The following SLC22A3 variants were observed in gnomAD, a reference collection of about 807,000 sequenced individuals.
SLC22A3 encodes the protein EMT organic cation transporter 3.
Under a neutral mutation model 59.1 loss-of-function variants are expected in SLC22A3, and 51 were observed. The observed-to-expected ratio is 0.86, with a 90% CI of 0.69 to 1.09. The LOEUF (loss-of-function observed/expected upper bound fraction) is 1.09. Ranked by LOEUF, SLC22A3 falls within the 50% of genes least tolerant of loss-of-function variation. The pLI, the probability that SLC22A3 is intolerant of heterozygous loss-of-function variation, is 0.00. For missense variants in SLC22A3, 711 were observed against 726.3 expected (o/e 0.98, Z 0.24); for synonymous variants, 325 against 292.0 (o/e 1.11, Z -1.15).
chr6:160,348,860 C>G lies in SLC22A3; in HGVS notation c.429+12C>G. ...CCATCGTCAGCGAGGTAAGGGCGCCCCGGCCCTTTGGAAGCCGGCGGGAGA... is the reference window on the plus strand; with the variant it reads ...CCATCGTCAGCGAGGTAAGGGCGCCGCGGCCCTTTGGAAGCCGGCGGGAGA... On this transcript the variant is annotated intron_variant, in intron 1 of 10. Transcript: ENST00000275300. The G allele has an allele frequency of 6.4e-7, 1 of 1,572,542 alleles. No homozygotes were observed. The highest frequency in any genetic ancestry group is 8.6e-7 in the Non-Finnish European group (1 of 1,167,580).
At chr6:160,364,936 T>C (rs563819442) in intron 1 of SLC22A3, among the ~76,000 whole-genome samples, 7 of 152,200 alleles carry the variant, frequency 4.6e-5, no homozygotes, top group Non-Finnish European at 7.3e-5. Flanking sequence ...CATTATCTTT[T>C]ACCTTATTGA....
At chr6:160,426,346 T>G in intron 5 of SLC22A3, 1 of 985,410 alleles carries the variant, frequency 1.0e-6, no homozygotes, top group Non-Finnish European at 1.2e-6. Flanking sequence ...TCTTGTTTTT[T>G]GAGGGGTGCA....
chr6:160,392,987 C>T (rs938572059), intron 1 of SLC22A3, among the ~76,000 whole-genome samples: 2 of 151,952 alleles, frequency 1.3e-5, no homozygotes, highest in Non-Finnish European at 2.9e-5. Flanking sequence ...CCATTGACAA[C>T]TCATCCCTAG....
At chr6:160,398,964 G>A (rs1786639517) in intron 2 of SLC22A3, among the ~76,000 whole-genome samples, 1 of 152,180 alleles carries the variant, frequency 6.6e-6, no homozygotes, top group Admixed American at 6.5e-5. Flanking sequence ...TTCAGTGGGT[G>A]ATACTAAGTT....
At chr6:160,355,099 G>A (rs1449068109) in intron 1 of SLC22A3, among the ~76,000 whole-genome samples, 3 of 152,246 alleles carry the variant, frequency 2.0e-5, no homozygotes, top group Non-Finnish European at 4.4e-5. Flanking sequence ...AGGAATATGG[G>A]ATTGCGAATA....
chr6:160,426,656 T>C (rs1259513704), intron 5 of SLC22A3, among the ~76,000 whole-genome samples: 2 of 152,238 alleles, frequency 1.3e-5, no homozygotes, highest in East Asian at 3.8e-4. Context: ...CATGTGTGAG[T>C]GCATTGCTTC....
chr6:160,361,297 A>G (rs2114751882), intron 1 of SLC22A3, among the ~76,000 whole-genome samples: 1 of 152,380 alleles, frequency 6.6e-6, no homozygotes, highest in Non-Finnish European at 1.5e-5. Context: ...AATATTAACA[A>G]AGGAACATAC....
chr6:160,348,671 C>T lies in SLC22A3; in HGVS notation c.252C>T (p.Pro84=), dbSNP rs8187716. The T allele has an allele frequency of 2.7e-6, 4 of 1,506,992 alleles. No individual in the cohort carries two copies. The highest frequency in any genetic ancestry group is 3.5e-6 in the Non-Finnish European group (4 of 1,135,930). The allele number at this position is 1,506,992 out of a possible 1,614,324, so 93.4% of individuals were successfully genotyped here. The part of the protein sequence containing the change: ...TAPASRGPEP[P]ERRGRCQRYL... The stretch of plus-strand genomic sequence containing the variant: ...CCGCCTCCCGCGGCCCAGAGCCCCC[C>T]GAGCGCCGCGGCCGCTGCCAGCGCT... Residue 84 remains proline, a synonymous_variant, in exon 1 of 11, where the codon CCC becomes CCT. Coordinates refer to ENST00000275300, the MANE Select transcript of SLC22A3 (RefSeq NM_021977.4).
intron 5 of SLC22A3, among the ~76,000 whole-genome samples, chr6:160,417,818 A>G (rs1305796353): frequency 2.6e-5 from 4 of 152,142 alleles, no homozygotes; most frequent in Non-Finnish European, 4.4e-5. Context: ...CTCAGCCATC[A>G]CCATGAAGAG....
At chr6:160,448,425 A>G (rs1583523900) in intron 10 of SLC22A3, among the ~76,000 whole-genome samples, 2 of 152,334 alleles carry the variant, frequency 1.3e-5, no homozygotes, top group East Asian at 3.9e-4. Context: ...GTGATAGTAG[A>G]TAAATGATAA....
chr6:160,353,142 C>G (rs1190608755), intron 1 of SLC22A3, among the ~76,000 whole-genome samples: 1 of 152,160 alleles, frequency 6.6e-6, no homozygotes, highest in African/African-American at 2.4e-5. Context: ...AAGCAGGACT[C>G]TAATGAGTGA....
chr6:160,406,508 T>C (rs567290238), intron 2 of SLC22A3, among the ~76,000 whole-genome samples: 14 of 152,330 alleles, frequency 9.2e-5, no homozygotes, highest in Admixed American at 2.0e-4. Context: ...AACTTTGTAG[T>C]TTATAAAACA....
chr6:160,432,453 C>T (rs560111059), intron 5 of SLC22A3, among the ~76,000 whole-genome samples: 115 of 135,802 alleles, frequency 8.5e-4, no homozygotes, highest in Admixed American at 2.3e-3. Context: ...TTTTTTGAGA[C>T]GGAGTCTCCC....
At chr6:160,355,500 A>G (rs2102503) in intron 1 of SLC22A3, among the ~76,000 whole-genome samples, 31,776 of 151,560 alleles carry the variant, frequency 0.21, 3,557 homozygotes, top group African/African-American at 0.23. Flanking sequence ...GGTGGCTCAC[A>G]CCTGTAATCC....
chr6:160,425,094 G>A (rs1052068487), intron 5 of SLC22A3, among the ~76,000 whole-genome samples: 2 of 152,092 alleles, frequency 1.3e-5, no homozygotes, highest in Non-Finnish European at 2.9e-5. Flanking sequence ...CTTCATGTAG[G>A]GTTGCTTGCT....
chr6:160,385,798 C>G (rs1785984754), intron 1 of SLC22A3, among the ~76,000 whole-genome samples: 1 of 152,204 alleles, frequency 6.6e-6, no homozygotes, highest in Non-Finnish European at 1.5e-5. Flanking sequence ...CTGCTCTGCT[C>G]TCTGTCAAAA....
chr6:160,439,924 T>C (rs1359151515), intron 7 of SLC22A3, among the ~76,000 whole-genome samples: 1 of 152,214 alleles, frequency 6.6e-6, no homozygotes, highest in African/African-American at 2.4e-5. Context: ...CGAGAAAGGC[T>C]TTTCTGCTCA....
chr6:160,429,893 C>T (rs977602617), intron 5 of SLC22A3, among the ~76,000 whole-genome samples: 7 of 151,030 alleles, frequency 4.6e-5, no homozygotes, highest in African/African-American at 1.7e-4. Flanking sequence ...ATCTGAGGAC[C>T]TTTAAAAGCA....
At chr6:160,393,011 A>G (rs1397571324) in intron 1 of SLC22A3, among the ~76,000 whole-genome samples, 1 of 152,030 alleles carries the variant, frequency 6.6e-6, no homozygotes, top group African/African-American at 2.4e-5. Context: ...ATTAAAACAG[A>G]AGCACATAGA....
Sources: allele counts gnomAD v4.1 joint callset (sites outside exome capture counted in the v4.1 genomes callset), GRCh38; gene constraint gnomAD v4.1.1; transcripts MANE v1.5; gene names NCBI Gene and HGNC (gene_info 2026-07-23, HGNC 2026-07-21).